RBFOX1: variants seen among roughly 807,000 people sequenced by gnomAD.
The protein encoded by RBFOX1 is RNA binding fox-1 homolog 1.
A neutral mutation model predicts 57.7 loss-of-function variants in RBFOX1; 8 were observed. That is an observed-to-expected ratio of 0.14 (90% CI 0.08 to 0.25). The LOEUF (loss-of-function observed/expected upper bound fraction) is 0.25. Ranked by LOEUF, RBFOX1 falls within the 10% of genes least tolerant of loss-of-function variation. The probability of loss-of-function intolerance (pLI) is 1.00; values close to 1 mark genes in which losing one functional copy is unlikely to be tolerated. For synonymous variants in RBFOX1, 326 were observed against 222.4 expected, an observed-to-expected ratio of 1.47 and a Z score of -4.15; for missense variants, 611 against 548.5, an observed-to-expected ratio of 1.11 and a Z score of -1.14.
chr16:7,313,875 G>C (rs542527259), intron 4 of RBFOX1, among the ~76,000 whole-genome samples: 2 of 152,186 alleles, frequency 1.3e-5, no homozygotes, highest in South Asian at 4.1e-4. Context: ...TCACTGTGCC[G>C]GCCAGTGGCT....
At chr16:7,262,075 T>C (rs541964193) in intron 4 of RBFOX1, among the ~76,000 whole-genome samples, 1 of 152,374 alleles carries the variant, frequency 6.6e-6, no homozygotes, top group South Asian at 2.1e-4. Flanking sequence ...GGTTTCACTA[T>C]GTTTTCCTTT....
chr16:6,569,630 T>A (rs2097316453), intron 2 of RBFOX1, among the ~76,000 whole-genome samples: 2 of 152,228 alleles, frequency 1.3e-5, no homozygotes, highest in Admixed American at 6.5e-5. Context: ...AGAAGTTTCA[T>A]GGGCTCTGTC....
At chr16:5,279,337 A>G (rs1182773507) in intron 1 of RBFOX1, among the ~76,000 whole-genome samples, 1 of 151,280 alleles carries the variant, frequency 6.6e-6, no homozygotes, top group African/African-American at 2.4e-5. Context: ...GGGTAAGTTT[A>G]TTCCTAGGTA....
chr16:6,609,905 G>A (rs1247943236), intron 2 of RBFOX1, among the ~76,000 whole-genome samples: 2 of 152,060 alleles, frequency 1.3e-5, no homozygotes, highest in Non-Finnish European at 2.9e-5. Context: ...CTACTTGGGA[G>A]GCTGAGGCAC....
At position 5,762,551 on chromosome 16, in the gene RBFOX1, T is replaced by C. The variant is rs139341368; in HGVS notation, c.319-104752T>C. ...GTGCTTTGACCCGGCAATTCCACTT[T>C]GGGAAATTTCCCCGCGGGGAATAAT... is the stretch of plus-strand genomic sequence containing the variant. On this transcript the variant is annotated intron_variant, in intron 3 of 19. Coordinates refer to the RBFOX1 transcript ENST00000641259. 4.3e-3 allele frequency among the ~76,000 whole-genome samples: 650 copies of C among 152,242 alleles called. 8 individuals carry two copies. The highest frequency in any genetic ancestry group is 0.015 in the African/African-American group (617 of 41,542).
At chr16:6,537,865 A>G (rs1438514654) in intron 2 of RBFOX1, among the ~76,000 whole-genome samples, 1 of 152,008 alleles carries the variant, frequency 6.6e-6, no homozygotes, top group Non-Finnish European at 1.5e-5. Context: ...ATATATTTAA[A>G]TTGAGTTAAA....
chr16:6,649,225 AAC>A (rs2098557124), intron 2 of RBFOX1, among the ~76,000 whole-genome samples: 1 of 152,166 alleles, frequency 6.6e-6, no homozygotes, highest in Non-Finnish European at 1.5e-5. Context: ...CATTCAACTT[AAC>A]ACAGTGTTCT....
chr16:6,659,180 G>A (rs969126583), intron 3 of RBFOX1, among the ~76,000 whole-genome samples: 3 of 152,074 alleles, frequency 2.0e-5, no homozygotes, highest in Non-Finnish European at 4.4e-5. Context: ...TTCAGGTGAT[G>A]AGAGGAGAGG....
intron 3 of RBFOX1, among the ~76,000 whole-genome samples, chr16:6,698,129 T>A (rs1464035175): frequency 6.6e-6 from 1 of 152,208 alleles, no homozygotes; most frequent in Admixed American, 6.5e-5. Flanking sequence ...ACTCATGAAT[T>A]AAGAGCTAGA....
intron 4 of RBFOX1, among the ~76,000 whole-genome samples, chr16:5,971,592 C>T (rs1262432350): frequency 1.3e-5 from 2 of 152,136 alleles, no homozygotes; most frequent in Admixed American, 1.3e-4. Flanking sequence ...CTCTTGTGGT[C>T]TTGGATAACT....
At chr16:6,492,925 A>C (rs1019510043) in intron 2 of RBFOX1, among the ~76,000 whole-genome samples, 1 of 152,216 alleles carries the variant, frequency 6.6e-6, no homozygotes, top group Non-Finnish European at 1.5e-5. Flanking sequence ...TAATGAAGGG[A>C]CTATAAACAG....
chr16:6,695,936 T>G (rs1168224749), intron 3 of RBFOX1, among the ~76,000 whole-genome samples: 1 of 152,162 alleles, frequency 6.6e-6, no homozygotes, highest in Non-Finnish European at 1.5e-5. Flanking sequence ...AACTGACTGT[T>G]CCTTTTATAA....
At chr16:7,688,814 G>A (rs954867210) in intron 14 of RBFOX1, among the ~76,000 whole-genome samples, 2 of 152,112 alleles carry the variant, frequency 1.3e-5, no homozygotes, top group African/African-American at 2.4e-5. Context: ...GTTAGAATAT[G>A]TTTTTAATTC....
rs185586325 is a variant in RBFOX1, at chr16:6,149,153, G to A, written c.-127+129161G>A. Among the ~76,000 whole-genome samples, 69 of 152,324 alleles carry A rather than the reference G, an allele frequency of 4.5e-4. 1 individual carries two copies. The highest frequency in any genetic ancestry group is 3.4e-3 in the Admixed American group (52 of 15,298). ...ATTAAGGTTTCTCATTTTGTTAGGC[G>A]CTTTGGGGGCCTCCTTAATTTTTGG... On this transcript the variant is annotated intron_variant, in intron 1 of 15. Coordinates refer to ENST00000550418, the MANE Select transcript of RBFOX1 (RefSeq NM_018723.4).
intron 3 of RBFOX1, among the ~76,000 whole-genome samples, chr16:6,785,696 C>T (rs759820908): frequency 1.3e-4 from 20 of 152,192 alleles, no homozygotes; most frequent in Non-Finnish European, 2.6e-4. Flanking sequence ...GAGCATGTTA[C>T]AGCCACTGTC....
chr16:7,149,551 T>TCTCAGCTCA (rs1246632798), intron 4 of RBFOX1, among the ~76,000 whole-genome samples: 2 of 145,824 alleles, frequency 1.4e-5, no homozygotes, highest in Non-Finnish European at 3.0e-5. Context: ...AGTGGTGCAA[T>TCTCAGCTCA]CTCAGCTCAG....
rs1228519765 is a variant in RBFOX1 at position 7,076,220 on chromosome 16, G to T, written c.27+24122G>T. On this transcript the variant is annotated intron_variant, in intron 4 of 15. Transcript: ENST00000550418. ...TGCTAATTTTTTGTATTTTAGTAGA[G>T]ATGGGGTTTCACCATGTTGGCCAGG... Among the ~76,000 whole-genome samples the T allele has an allele frequency of 4.6e-5, 7 of 151,478 alleles. No homozygotes were observed. The East Asian group carries it at 1.2e-3, about 26-fold the overall frequency.
intron 4 of RBFOX1, among the ~76,000 whole-genome samples, chr16:7,431,846 C>T (rs866190055): frequency 2.0e-5 from 3 of 152,202 alleles, no homozygotes; most frequent in African/African-American, 2.4e-5. Context: ...GAACACTTAA[C>T]TGTTAAGGTA....
intron 4 of RBFOX1, among the ~76,000 whole-genome samples, chr16:5,921,660 G>A (rs1398798557): frequency 2.6e-5 from 4 of 152,096 alleles, no homozygotes; most frequent in Non-Finnish European, 5.9e-5. Context: ...CCTGAGGCTG[G>A]GTAATTTATA....
Sources: allele counts gnomAD v4.1 joint callset (sites outside exome capture counted in the v4.1 genomes callset), GRCh38; gene constraint gnomAD v4.1.1; transcripts MANE v1.5; gene names NCBI Gene and HGNC (gene_info 2026-07-23, HGNC 2026-07-21).